Variants in TEAD1 observed in about 807,000 individuals in gnomAD.
TEAD1 encodes TEA domain transcription factor 1, also known as transcriptional enhancer factor TEF-1.
A neutral mutation model predicts 54.9 loss-of-function variants in TEAD1; 9 were observed. The observed-to-expected ratio is 0.16, with a 90% CI of 0.10 to 0.29. TEAD1 has a LOEUF of 0.29. Among genes scored for constraint, TEAD1 ranks in the 10% least tolerant of loss-of-function variants. The probability of loss-of-function intolerance (pLI) is 1.00; values close to 1 mark genes in which losing one functional copy is unlikely to be tolerated. For synonymous variants in TEAD1, 200 were observed against 187.8 expected (o/e 1.07, Z -0.53); for missense variants, 387 against 535.9 (o/e 0.72, Z 2.74).
chr11:12,907,137 TCTC>T (rs1052785165), intron 10 of TEAD1, among the ~76,000 whole-genome samples: 7 of 152,218 alleles, frequency 4.6e-5, no homozygotes, highest in South Asian at 2.1e-4. Context: ...TAGGGGTTCT[TCTC>T]CTTCAGCCAT....
chr11:12,838,065 G>C (rs2134028668), intron 3 of TEAD1, among the ~76,000 whole-genome samples: 1 of 152,154 alleles, frequency 6.6e-6, no homozygotes, highest in Non-Finnish European at 1.5e-5. Flanking sequence ...CCAAAGTGCT[G>C]GGATTACAGG....
chr11:12,814,775 CTCTGTGTGTGTGTGTGTGTGTGTGTGTG>C (rs1360058557), intron 3 of TEAD1, among the ~76,000 whole-genome samples: 4,341 of 142,226 alleles, frequency 0.031, 118 homozygotes, highest in East Asian at 0.072. Flanking sequence ...CATCGCAGAG[CTCTGTGTGTGTGTGTGTGTGTGTGTGTG>C]TGTGTGTGTG....
Position 12,719,006 on chromosome 11 carries a change from G to T in TEAD1, c.-55+43445G>T, listed in dbSNP as rs113606049. 1.2e-3 allele frequency among the ~76,000 whole-genome samples: 175 copies of T among 145,342 alleles called. 1 individual carries two copies. The highest frequency in any genetic ancestry group is 4.5e-3 in the Admixed American group (67 of 15,028). On this transcript the variant is annotated intron_variant, in intron 2 of 12. Coordinates refer to ENST00000527636, the MANE Select transcript of TEAD1 (RefSeq NM_021961.6). Reference sequence around the variant, plus strand: ...GAAAACTTTGGGGTTTTTTTTTTAGGGGGGGGAGTCCAAGGGTCTTCTGAA... The same window carrying T: ...GAAAACTTTGGGGTTTTTTTTTTAGTGGGGGGAGTCCAAGGGTCTTCTGAA...
intron 5 of TEAD1, 66 bp downstream of exon 5, chr11:12,864,966 C>A: frequency 6.5e-7 from 1 of 1,543,840 alleles, no homozygotes; most frequent in South Asian, 1.1e-5. Flanking sequence ...TCCATGGTGA[C>A]TGGTGAATGC....
At chr11:12,745,020 C>T (rs543621796) in intron 2 of TEAD1, among the ~76,000 whole-genome samples, 2 of 152,062 alleles carry the variant, frequency 1.3e-5, no homozygotes, top group African/African-American at 2.4e-5. Flanking sequence ...CTCCAGGGCT[C>T]GGCTAATTTT....
intron 2 of TEAD1, among the ~76,000 whole-genome samples, chr11:12,719,724 A>G (rs1434539340): frequency 6.6e-6 from 1 of 151,986 alleles, no homozygotes; most frequent in Non-Finnish European, 1.5e-5. Flanking sequence ...GACATGGGGT[A>G]GGGGTATTAG....
At chr11:12,902,223 A>G in intron 10 of TEAD1, 110 bp downstream of exon 10, 1 of 1,428,142 alleles carries the variant, frequency 7.0e-7, no homozygotes, top group Non-Finnish European at 9.9e-7. Flanking sequence ...GTGCACCTTC[A>G]TGTGCTTCTG....
intron 2 of TEAD1, among the ~76,000 whole-genome samples, chr11:12,750,620 G>A (rs1430201710): frequency 6.6e-6 from 1 of 152,156 alleles, no homozygotes; most frequent in African/African-American, 2.4e-5. Context: ...TGTTTCTGGT[G>A]TTTTCGTGCT....
In TEAD1 at chr11:12,818,515, G is replaced by A. The variant is rs1160523114; in HGVS notation, c.203-43735G>A. ...TGGTGGTGCTAATGGCCCTGAGTCC[G>A]GCATCCGGCTCCTTGGGAGAAGAAA... On this transcript the variant is annotated intron_variant, in intron 3 of 12. Transcript: ENST00000527636. Among the ~76,000 whole-genome samples the A allele has an allele frequency of 2.6e-5, 4 of 152,248 alleles. 1 individual carries two copies. The East Asian group carries it at 7.7e-4, about 29-fold the overall frequency.
At chr11:12,903,686 C>T (rs147813997) in intron 10 of TEAD1, among the ~76,000 whole-genome samples, 1 of 152,242 alleles carries the variant, frequency 6.6e-6, no homozygotes, top group African/African-American at 2.4e-5. Context: ...GTGGTGCACA[C>T]CTGTAGTCTG....
At chr11:12,931,554 G>A (rs1949010812) in intron 12 of TEAD1, among the ~76,000 whole-genome samples, 1 of 152,112 alleles carries the variant, frequency 6.6e-6, no homozygotes, top group Admixed American at 6.5e-5. Context: ...TCAATCAGCA[G>A]TGTTCTGTTT....
intron 3 of TEAD1, among the ~76,000 whole-genome samples, chr11:12,844,054 T>G (rs962988425): frequency 2.8e-4 from 42 of 152,256 alleles, no homozygotes; most frequent in Admixed American, 2.7e-3. Context: ...GGAGATTCTT[T>G]TAACTTGAAT....
chr11:12,812,970 G>T (rs1946336686), intron 3 of TEAD1, among the ~76,000 whole-genome samples: 1 of 152,244 alleles, frequency 6.6e-6, no homozygotes, highest in Non-Finnish European at 1.5e-5. Context: ...AGGGTCTGTG[G>T]TTAGTGACTG....
chr11:12,832,252 C>T (rs1443270605), intron 3 of TEAD1, among the ~76,000 whole-genome samples: 1 of 152,164 alleles, frequency 6.6e-6, no homozygotes, highest in East Asian at 1.9e-4. Context: ...AAATTGAAAG[C>T]AAGCAAACTA....
chr11:12,888,318 G>A (rs1056183948), intron 9 of TEAD1, among the ~76,000 whole-genome samples: 1 of 152,192 alleles, frequency 6.6e-6, no homozygotes, highest in Non-Finnish European at 1.5e-5. Flanking sequence ...AGACCAGCCT[G>A]GCCAACATGG....
intron 2 of TEAD1, among the ~76,000 whole-genome samples, chr11:12,685,129 G>T (rs1429929854): frequency 6.6e-6 from 1 of 152,180 alleles, no homozygotes; most frequent in African/African-American, 2.4e-5. Context: ...CTTTGTGTGA[G>T]CCTGGGCCAG....
intron 10 of TEAD1, among the ~76,000 whole-genome samples, chr11:12,924,207 C>A (rs1233733841): frequency 6.6e-6 from 1 of 152,176 alleles, no homozygotes; most frequent in Non-Finnish European, 1.5e-5. Flanking sequence ...ATGTGCCAGT[C>A]TAAATCATTC....
chr11:12,679,303 A>G (rs1481459269), intron 2 of TEAD1, among the ~76,000 whole-genome samples: 2 of 152,120 alleles, frequency 1.3e-5, no homozygotes, highest in Admixed American at 6.5e-5. Context: ...CGTGATTCAC[A>G]TTTGTTTTGA....
At chr11:12,904,246 C>T (rs1183707583) in intron 10 of TEAD1, among the ~76,000 whole-genome samples, 1 of 141,396 alleles carries the variant, frequency 7.1e-6, no homozygotes, top group Non-Finnish European at 1.5e-5. Context: ...CTAGAGTACA[C>T]ATTGAAAGTG....
Sources: gnomAD v4.1 joint callset for allele counts (sites outside exome capture counted in the v4.1 genomes callset) on GRCh38, gnomAD v4.1.1 for gene constraint, MANE v1.5 for transcripts, NCBI Gene and HGNC (gene_info 2026-07-23, HGNC 2026-07-21) for gene names.